FAM168B: variants seen among roughly 807,000 people sequenced by gnomAD.
The protein encoded by FAM168B is family with sequence similarity 168 member B, also known as myelin-associated neurite-outgrowth inhibitor.
In FAM168B, 19 loss-of-function variants were observed where a neutral mutation model predicts 21.8. The observed-to-expected ratio is 0.87, with a 90% CI of 0.61 to 1.28. The LOEUF (loss-of-function observed/expected upper bound fraction) is 1.28. FAM168B is among the 50% of genes most tolerant of loss of function. FAM168B has a pLI of 0.00. For missense variants in FAM168B, 233 were observed against 263.1 expected, an observed-to-expected ratio of 0.89 and a Z score of 0.79; for synonymous variants, 126 against 104.8, an observed-to-expected ratio of 1.20 and a Z score of -1.24.
chr2:131,091,430 G>A (rs373660188), intron 1 of FAM168B, among the ~76,000 whole-genome samples: 8 of 152,134 alleles, frequency 5.3e-5, no homozygotes, highest in African/African-American at 1.9e-4. Context: ...TGGACCACCT[G>A]AGGTCAGGAG....
At chr2:131,055,058 C>T (rs1368825976) in intron 5 of FAM168B, among the ~76,000 whole-genome samples, 1 of 152,090 alleles carries the variant, frequency 6.6e-6, no homozygotes, top group African/African-American at 2.4e-5. Context: ...ACCAACAAAG[C>T]GAGTCCATCA....
At chr2:131,068,537 C>G (rs994398071) in intron 3 of FAM168B, among the ~76,000 whole-genome samples, 1 of 152,186 alleles carries the variant, frequency 6.6e-6, no homozygotes, top group Admixed American at 6.5e-5. Flanking sequence ...AGCCAGCAGT[C>G]TGGCACCTAA....
In FAM168B at chr2:131,049,894, T is replaced by C. The variant is rs868674603; in HGVS notation, c.*2571A>G. ...CTTTAATTTTACTAGAAGCGAATGT[T>C]GATAAAATTACAACCTATGACAGTT... is the stretch of plus-strand genomic sequence containing the variant. On this transcript the variant is annotated 3_prime_UTR_variant, in exon 7 of 7. Coordinates refer to ENST00000389915, the MANE Select transcript of FAM168B (RefSeq NM_001009993.4). The C allele has an allele frequency of 1.0e-6, 1 of 985,570 alleles. No individual in the cohort carries two copies. The highest frequency in any genetic ancestry group is 1.7e-5 in the African/African-American group (1 of 57,248). 61.1% of individuals were successfully genotyped at this position (985,570 alleles called of 1,614,324 possible). A position where few individuals can be genotyped will look rare whatever the true frequency, so the allele number is the denominator to read the frequency against.
chr2:131,060,060 C>T (rs1449654876), intron 3 of FAM168B, among the ~76,000 whole-genome samples: 2 of 151,770 alleles, frequency 1.3e-5, no homozygotes, highest in African/African-American at 2.4e-5. Context: ...CGCTGTCTCG[C>T]TCTGTCACCC....
At chr2:131,073,042 T>A (rs1298835750) in intron 2 of FAM168B, among the ~76,000 whole-genome samples, 4 of 152,230 alleles carry the variant, frequency 2.6e-5, no homozygotes, top group Non-Finnish European at 4.4e-5. Context: ...TTTTTTGTTG[T>A]AAGAAACTGT....
intron 3 of FAM168B, among the ~76,000 whole-genome samples, chr2:131,060,582 G>A (rs1573762427): frequency 6.6e-6 from 1 of 152,120 alleles, no homozygotes; most frequent in Admixed American, 6.5e-5. Context: ...GGGGTAACTG[G>A]GCAAATGTAA....
intron 3 of FAM168B, among the ~76,000 whole-genome samples, chr2:131,064,928 A>T (rs1291154068): frequency 6.6e-6 from 1 of 152,212 alleles, no homozygotes; most frequent in Non-Finnish European, 1.5e-5. Context: ...TGGTCACAGA[A>T]ACCTAATCAA....
At chr2:131,091,414 C>A (rs1694021312) in intron 1 of FAM168B, among the ~76,000 whole-genome samples, 1 of 151,678 alleles carries the variant, frequency 6.6e-6, no homozygotes, top group Admixed American at 6.6e-5. Flanking sequence ...GGGAGGCCGA[C>A]GTAGGTGGAC....
rs777001725 is a variant in FAM168B at position 131,055,441 on chromosome 2, C to T, written c.306G>A (p.Thr102=). ...PQQSPYAQQG[T]YYTQPLYAAP... is the part of the protein sequence containing the mutation. ...CTGCATACAGCGGCTGTGTGTAGTA[C>T]GTGCCTTGCTGTGGGGAGAAGAGAG... The change falls in exon 5 of 7, where the codon ACG becomes ACA. Residue 102 remains threonine (T), a synonymous_variant. Coordinates refer to ENST00000389915, the MANE Select transcript of FAM168B (RefSeq NM_001009993.4). 5.0e-6 allele frequency: 8 copies of T among 1,608,776 alleles called. No individual in the cohort carries two copies. In the African/African-American group the frequency reaches 6.7e-5, roughly 13 times the overall value.
chr2:131,056,161 T>C (rs541485268), intron 3 of FAM168B, among the ~76,000 whole-genome samples: 1 of 152,284 alleles, frequency 6.6e-6, no homozygotes, highest in Admixed American at 6.5e-5. Flanking sequence ...TGTTGTTTGT[T>C]ACAGCAAAAA....
At chr2:131,083,972 C>G (rs1693552298) in intron 1 of FAM168B, among the ~76,000 whole-genome samples, 3 of 152,110 alleles carry the variant, frequency 2.0e-5, no homozygotes, top group Middle Eastern at 3.4e-3. Context: ...GGCATGATCT[C>G]AGCTCACTGC....
At chr2:131,087,062 T>TC (rs1693741771) in intron 1 of FAM168B, among the ~76,000 whole-genome samples, 1 of 2,226 alleles carries the variant, frequency 4.5e-4, no homozygotes, top group Non-Finnish European at 7.8e-4. Flanking sequence ...AGACTCCGTC[T>TC]CAAAAAAAAA....
intron 2 of FAM168B, among the ~76,000 whole-genome samples, chr2:131,077,327 T>C (rs958295493): frequency 3.3e-5 from 5 of 152,028 alleles, no homozygotes; most frequent in African/African-American, 4.8e-5. Context: ...AAGAACCTAC[T>C]GTTCAGCCAG....
At position 131,052,204 on chromosome 2, in the gene FAM168B, T is replaced by C. The variant is rs1196350796; in HGVS notation, c.*261A>G. The C allele has an allele frequency of 1.0e-6, 1 of 985,734 alleles. No individual in the cohort carries two copies. The highest frequency in any genetic ancestry group is 1.2e-6 in the Non-Finnish European group (1 of 829,946). 61.1% of individuals were successfully genotyped at this position (985,734 alleles called of 1,614,324 possible). On this transcript the variant is annotated 3_prime_UTR_variant, in exon 7 of 7. Transcript: ENST00000389915. ...CAACTAGATATGATTCAGAATAGAT[T>C]AATACTCCCTTTTTATCATTACAGT...
chr2:131,047,943 G>A lies in FAM168B; in HGVS notation c.*4522C>T, dbSNP rs972784416. On this transcript the variant is annotated 3_prime_UTR_variant, in exon 7 of 7. Coordinates refer to ENST00000389915, the MANE Select transcript of FAM168B (RefSeq NM_001009993.4). ...CATAACAATTCTTGTTACAATAAACGTGCTTTTGAGATTTTTAAATCTGAG... is the reference window on the plus strand; with the variant it reads ...CATAACAATTCTTGTTACAATAAACATGCTTTTGAGATTTTTAAATCTGAG... 6 of 218,162 alleles carry A rather than the reference G, an allele frequency of 2.8e-5. No individual in the cohort carries two copies. In the Admixed American group the frequency reaches 2.8e-4, roughly 10 times the overall value. The allele number at this position is 218,162 out of a possible 1,614,324, so 13.5% of individuals were successfully genotyped here. A position where few individuals can be genotyped will look rare whatever the true frequency, so the allele number is the denominator to read the frequency against.
chr2:131,050,430 A>T lies in FAM168B; in HGVS notation c.*2035T>A. 5.1e-6 allele frequency: 5 copies of T among 985,874 alleles called. No homozygotes were observed. The highest frequency in any genetic ancestry group is 4.7e-5 in the South Asian group (1 of 21,290). 61.1% of individuals were successfully genotyped at this position (985,874 alleles called of 1,614,324 possible). On this transcript the variant is annotated 3_prime_UTR_variant, in exon 7 of 7. Transcript: ENST00000389915. ...TAATCCTGCCAACCATCCACTAAACAGATGGAATTACCAACAGAGACTTGA... is the reference window on the plus strand; with the variant it reads ...TAATCCTGCCAACCATCCACTAAACTGATGGAATTACCAACAGAGACTTGA...
Position 131,050,873 on chromosome 2 carries a change from A to T in FAM168B, c.*1592T>A. 1 of 985,442 alleles carries T rather than the reference A, an allele frequency of 1.0e-6. No individual in the cohort carries two copies. Among genetic ancestry groups the T allele is most frequent in the South Asian group, 4.7e-5 (1 of 21,276 alleles). The allele number at this position is 985,442 out of a possible 1,614,324, so 61.0% of individuals were successfully genotyped here. A position where few individuals can be genotyped will look rare whatever the true frequency, so the allele number is the denominator to read the frequency against. The stretch of plus-strand genomic sequence containing the variant: ...CACCACTGCACTGGGAAGAAGACGC[A>T]CGCTCCTGCCCTAGAGGCCGCTGAA... On this transcript the variant is annotated 3_prime_UTR_variant, in exon 7 of 7. Transcript: ENST00000389915.
chr2:131,080,332 G>A (rs937785157), intron 2 of FAM168B, among the ~76,000 whole-genome samples: 1 of 150,862 alleles, frequency 6.6e-6, no homozygotes, highest in Admixed American at 6.6e-5. Flanking sequence ...TGTGACACAA[G>A]TAATATCTTA....
rs1691408662 is a variant in FAM168B at position 131,048,217 on chromosome 2, C to T, written c.*4248G>A. 2 of 1,291,794 alleles carry T rather than the reference C, an allele frequency of 1.5e-6. No homozygotes were observed. Among genetic ancestry groups the T allele is most frequent in the Non-Finnish European group, 2.0e-6 (2 of 980,000 alleles). 80.0% of individuals were successfully genotyped at this position (1,291,794 alleles called of 1,614,324 possible). A position where few individuals can be genotyped will look rare whatever the true frequency, so the allele number is the denominator to read the frequency against. ...GAACCGTTTCTTCTTTAGTTACAAT[C>T]CATGAGGCTCTCTAGGGCCTCTCCG... On this transcript the variant is annotated 3_prime_UTR_variant, in exon 7 of 7. Coordinates refer to ENST00000389915, the MANE Select transcript of FAM168B (RefSeq NM_001009993.4).
Sources: allele counts gnomAD v4.1 joint callset (sites outside exome capture counted in the v4.1 genomes callset), GRCh38; gene constraint gnomAD v4.1.1; transcripts MANE v1.5; gene names NCBI Gene and HGNC (gene_info 2026-07-23, HGNC 2026-07-21).